The following STON2 variants were observed in gnomAD, a reference collection of about 807,000 sequenced individuals.
The protein encoded by STON2 is stonin 2, also known as stonin-2.
Under a neutral mutation model 65.7 loss-of-function variants are expected in STON2, and 29 were observed. That is an observed-to-expected ratio of 0.44 (90% CI 0.33 to 0.60). STON2 has a LOEUF of 0.60. Among genes scored for constraint, STON2 ranks in the 20% least tolerant of loss-of-function variants. The probability of loss-of-function intolerance (pLI) is 0.03; values close to 1 mark genes in which losing one functional copy is unlikely to be tolerated. For synonymous variants in STON2, 404 were observed against 414.2 expected (o/e 0.98, Z 0.30); for missense variants, 1,054 against 1,118.1 (o/e 0.94, Z 0.82).
intron 3 of STON2, among the ~76,000 whole-genome samples, chr14:81,387,386 C>A (rs1373314689): frequency 6.6e-6 from 1 of 152,084 alleles, no homozygotes; most frequent in African/African-American, 2.4e-5. Context: ...CTAAAGAGCT[C>A]ACTTATCAAC....
intron 4 of STON2, among the ~76,000 whole-genome samples, chr14:81,345,123 A>G (rs1283885597): frequency 6.6e-6 from 1 of 152,230 alleles, no homozygotes; most frequent in Admixed American, 6.5e-5. Context: ...AATACTATAT[A>G]GGTTGGGCTT....
intron 4 of STON2, among the ~76,000 whole-genome samples, chr14:81,334,586 G>C (rs1024647549): frequency 4.6e-5 from 7 of 152,142 alleles, no homozygotes; most frequent in Admixed American, 1.3e-4. Context: ...TTAGCCAACT[G>C]TCTCCAAAAT....
intron 4 of STON2, among the ~76,000 whole-genome samples, chr14:81,351,367 T>G (rs372975567): frequency 6.6e-5 from 10 of 152,070 alleles, no homozygotes; most frequent in Admixed American, 5.2e-4. Context: ...AAGAGTTTGG[T>G]AGGGAGATAA....
intron 1 of STON2, among the ~76,000 whole-genome samples, chr14:81,434,960 T>C (rs1252658348): frequency 6.6e-6 from 1 of 152,184 alleles, no homozygotes; most frequent in Non-Finnish European, 1.5e-5. Flanking sequence ...TTTTTCTCTC[T>C]CTCTCTTTCT....
In STON2 at chr14:81,262,201, A is replaced by G. The variant is rs961019779; in HGVS notation, c.*6213T>C. 1.0e-6 allele frequency: 1 copy of G among 985,316 alleles called. No individual in the cohort carries two copies. The highest frequency in any genetic ancestry group is 1.2e-6 in the Non-Finnish European group (1 of 829,924). 61.0% of individuals were successfully genotyped at this position (985,316 alleles called of 1,614,324 possible). A position where few individuals can be genotyped will look rare whatever the true frequency, so the allele number is the denominator to read the frequency against. On this transcript the variant is annotated 3_prime_UTR_variant, in exon 8 of 8. Transcript: ENST00000614646. ...TTGGGAAAACAGCAACTTACTTAACATAGTGATTGTCTCCATGGCTATGTC... is the reference window on the plus strand; with the variant it reads ...TTGGGAAAACAGCAACTTACTTAACGTAGTGATTGTCTCCATGGCTATGTC...
At chr14:81,288,379 T>A (rs576596295) in intron 5 of STON2, among the ~76,000 whole-genome samples, 1 of 152,324 alleles carries the variant, frequency 6.6e-6, no homozygotes, top group South Asian at 2.1e-4. Context: ...CAAACCTAGA[T>A]AGTATAACCT....
At position 81,266,655 on chromosome 14, in the gene STON2, TA is replaced by T; in HGVS notation, c.*1758del. 1.0e-6 allele frequency: 1 copy of T among 983,386 alleles called. No homozygotes were observed. Among genetic ancestry groups the T allele is most frequent in the Non-Finnish European group, 1.2e-6 (1 of 828,056 alleles). The allele number at this position is 983,386 out of a possible 1,614,324, so 60.9% of individuals were successfully genotyped here. A position where few individuals can be genotyped will look rare whatever the true frequency, so the allele number is the denominator to read the frequency against. ...TAGATGGAGGGTTAATAAAAGCATG[TA>T]AGGCTTTTATTAACACCAGCTGACT... On this transcript the variant is annotated 3_prime_UTR_variant, in exon 8 of 8. Transcript: ENST00000614646.
chr14:81,409,332 G>C (rs1051673340), intron 2 of STON2, among the ~76,000 whole-genome samples: 3 of 151,838 alleles, frequency 2.0e-5, no homozygotes, highest in Non-Finnish European at 4.4e-5. Context: ...TTGAACCCAG[G>C]AGGTGGAGGC....
chr14:81,368,930 C>G (rs946745498), intron 4 of STON2, among the ~76,000 whole-genome samples: 2 of 152,198 alleles, frequency 1.3e-5, no homozygotes, highest in Non-Finnish European at 2.9e-5. Flanking sequence ...CTGTTTGCCG[C>G]TTCCAACCTC....
chr14:81,395,661 A>G, intron 3 of STON2: 3 of 514,572 alleles, frequency 5.8e-6, no homozygotes, highest in South Asian at 5.9e-5. Context: ...GCCAGGGACA[A>G]GAGTAAAGGA....
chr14:81,396,544 G>A (rs1900332732), intron 2 of STON2, among the ~76,000 whole-genome samples: 1 of 152,184 alleles, frequency 6.6e-6, no homozygotes, highest in Non-Finnish European at 1.5e-5. Context: ...AAAAGGGACT[G>A]GTGGGGACTG....
chr14:81,276,839 C>T (rs1595277112), intron 6 of STON2, 62 bp downstream of exon 6: 1 of 1,547,122 alleles, frequency 6.5e-7, no homozygotes, highest in South Asian at 1.3e-5. Context: ...GGATGTGGAA[C>T]TTTGATCTCA....
At position 81,303,343 on chromosome 14, in the gene STON2, TAAGTGCAC is replaced by T. The variant is rs912734019; in HGVS notation, c.742+20666_742+20673del. On this transcript the variant is annotated intron_variant, in intron 5 of 7. Coordinates refer to ENST00000614646, the MANE Select transcript of STON2 (RefSeq NM_001394390.1). ...CAGCAGGCACTCAGTAAATATTTAC[TAAGTGCAC>T]ACCTGGATCAAGCATTGTGCACACT... is the stretch of plus-strand genomic sequence containing the variant. 5.3e-4 allele frequency among the ~76,000 whole-genome samples: 81 copies of T among 152,330 alleles called. 1 individual carries two copies. Among genetic ancestry groups the T allele is most frequent in the African/African-American group, 1.9e-3 (77 of 41,566 alleles).
chr14:81,312,891 G>A (rs540173533), intron 5 of STON2, among the ~76,000 whole-genome samples: 7 of 152,318 alleles, frequency 4.6e-5, no homozygotes, highest in Admixed American at 1.3e-4. Flanking sequence ...ATTACACAAC[G>A]ATGCCGGTAA....
At position 81,405,460 on chromosome 14, in the gene STON2, G is replaced by GTTTTTTTT. The variant is rs376505307; in HGVS notation, c.-198-6888_-198-6881dup. Among the ~76,000 whole-genome samples the GTTTTTTTT allele has an allele frequency of 3.5e-4, 22 of 63,276 alleles. 2 individuals are homozygous for GTTTTTTTT. The highest frequency in any genetic ancestry group is 7.2e-4 in the African/African-American group (14 of 19,554). 41.5% of individuals were successfully genotyped at this position (63,276 alleles called of 152,430 possible). A position where few individuals can be genotyped will look rare whatever the true frequency, so the allele number is the denominator to read the frequency against. ...AGACCATTTGGGATTAGTTACTATTGTTTTTTTTTTTTTTTTGCTTGACTA... is the reference window on the plus strand; with the variant it reads ...AGACCATTTGGGATTAGTTACTATTGTTTTTTTTTTTTTTTTTTTTTTTTGCTTGACTA... On this transcript the variant is annotated intron_variant, in intron 2 of 8. Transcript: ENST00000553821.
upstream of STON2, among the ~76,000 whole-genome samples, chr14:81,402,028 T>C (rs1163496139): frequency 6.6e-6 from 1 of 152,098 alleles, no homozygotes; most frequent in Non-Finnish European, 1.5e-5. Flanking sequence ...ACAAGGTGTG[T>C]TTCTGTCTGA....
chr14:81,389,830 A>G (rs997646662), intron 3 of STON2, among the ~76,000 whole-genome samples: 15 of 152,266 alleles, frequency 9.9e-5, no homozygotes, highest in Admixed American at 9.2e-4. Context: ...CACCTGTCAT[A>G]AAATGAACTT....
At chr14:81,313,994 G>A (rs1896531902) in intron 5 of STON2, among the ~76,000 whole-genome samples, 1 of 152,188 alleles carries the variant, frequency 6.6e-6, no homozygotes, top group South Asian at 2.1e-4. Context: ...AGGTGATGTG[G>A]TGTGTGACTA....
intron 3 of STON2, among the ~76,000 whole-genome samples, chr14:81,391,511 C>A (rs1379783076): frequency 6.6e-6 from 1 of 152,146 alleles, no homozygotes; most frequent in Non-Finnish European, 1.5e-5. Context: ...ATTACTCTAT[C>A]CTTATTGTTA....
Sources: gnomAD v4.1 joint callset for allele counts (sites outside exome capture counted in the v4.1 genomes callset) on GRCh38, gnomAD v4.1.1 for gene constraint, MANE v1.5 for transcripts, NCBI Gene and HGNC (gene_info 2026-07-23, HGNC 2026-07-21) for gene names.